Variants in UGT1A8 observed in about 807,000 individuals in gnomAD.
The protein encoded by UGT1A8 is UDP-glucuronosyltransferase 1A8.
In UGT1A8, 39 loss-of-function variants were observed where a neutral mutation model predicts 45.3. The ratio of observed to expected loss-of-function variants is 0.86; its 90% CI spans 0.67 to 1.12. The LOEUF (loss-of-function observed/expected upper bound fraction) is 1.12, where lower values mean the gene tolerates loss of function less well. Ranked by LOEUF, UGT1A8 falls within the 50% of genes most tolerant of loss-of-function variation. The pLI, the probability that UGT1A8 is intolerant of heterozygous loss-of-function variation, is 0.00. For missense variants in UGT1A8, 719 were observed against 664.9 expected, an observed-to-expected ratio of 1.08 and a Z score of -0.90; for synonymous variants, 275 against 249.2, an observed-to-expected ratio of 1.10 and a Z score of -0.97.
intron 1 of UGT1A8, among the ~76,000 whole-genome samples, chr2:233,621,276 C>G (rs570796762): frequency 1.3e-5 from 2 of 152,036 alleles, no homozygotes; most frequent in Non-Finnish European, 2.9e-5. Flanking sequence ...AGCAGAACAG[C>G]GAAATAGTTT....
At chr2:233,682,302 C>T (rs772862316) in intron 1 of UGT1A8, 2 of 1,614,078 alleles carry the variant, frequency 1.2e-6, no homozygotes, top group Non-Finnish European at 8.5e-7. Context: ...TTATTTTTTT[C>T]AAATTGCAGG....
intron 1 of UGT1A8, chr2:233,729,480 C>T (rs2077866631): frequency 1.9e-6 from 3 of 1,614,046 alleles, no homozygotes; most frequent in South Asian, 1.1e-5. Context: ...CAATGTTGAA[C>T]AATATGTCTT....
chr2:233,751,021 C>G (rs74787288), intron 1 of UGT1A8, among the ~76,000 whole-genome samples: 5,661 of 151,884 alleles, frequency 0.037, 155 homozygotes, highest in Non-Finnish European at 0.057. Flanking sequence ...AATAGTAGAT[C>G]CAATAGCTTG....
intron 1 of UGT1A8, among the ~76,000 whole-genome samples, chr2:233,724,344 C>A (rs2077229957): frequency 6.9e-6 from 1 of 144,926 alleles, no homozygotes; most frequent in Non-Finnish European, 1.5e-5. Context: ...GGGCTGACCC[C>A]CCCCACCTCC....
At chr2:233,729,547 C>T in intron 1 of UGT1A8, 2 of 1,614,168 alleles carry the variant, frequency 1.2e-6, no homozygotes, top group Non-Finnish European at 1.7e-6. Context: ...GATCAGGCAC[C>T]TGAATGCTAC....
At chr2:233,645,565 A>C (rs1487642268) in intron 1 of UGT1A8, among the ~76,000 whole-genome samples, 1 of 152,214 alleles carries the variant, frequency 6.6e-6, no homozygotes, top group African/African-American at 2.4e-5. Context: ...CACCATTCCA[A>C]CTGGGAAAAA....
intron 1 of UGT1A8, among the ~76,000 whole-genome samples, chr2:233,666,351 A>G (rs2074075509): frequency 6.6e-6 from 1 of 152,218 alleles, no homozygotes; most frequent in Non-Finnish European, 1.5e-5. Context: ...TAATTCAGCT[A>G]TATCATTTGA....
At chr2:233,620,594 G>A (rs2072984144) in intron 1 of UGT1A8, among the ~76,000 whole-genome samples, 2 of 152,180 alleles carry the variant, frequency 1.3e-5, no homozygotes, top group African/African-American at 4.8e-5. Context: ...TGAAATAAAT[G>A]TGTTTCTATA....
chr2:233,701,292 C>T (rs1285493084), intron 1 of UGT1A8, among the ~76,000 whole-genome samples: 1 of 152,100 alleles, frequency 6.6e-6, no homozygotes. Context: ...GAGGAATCGC[C>T]ACACTGTCTT....
intron 1 of UGT1A8, among the ~76,000 whole-genome samples, chr2:233,651,565 A>G (rs1215379651): frequency 2.0e-5 from 3 of 152,230 alleles, no homozygotes; most frequent in Admixed American, 6.5e-5. Context: ...CAGATATCAA[A>G]GAGTGCCCTT....
chr2:233,689,143 G>C (rs1436130390), intron 1 of UGT1A8, among the ~76,000 whole-genome samples: 3 of 152,208 alleles, frequency 2.0e-5, no homozygotes, highest in African/African-American at 7.2e-5. Context: ...AGCCCCTGAA[G>C]GAAGTTATAA....
At chr2:233,753,902 T>C (rs1695339006) in intron 1 of UGT1A8, among the ~76,000 whole-genome samples, 1 of 152,224 alleles carries the variant, frequency 6.6e-6, no homozygotes, top group African/African-American at 2.4e-5. Context: ...AACATGCTTC[T>C]TACACCGATT....
At chr2:233,718,407 A>G (rs1424568880) in intron 1 of UGT1A8, among the ~76,000 whole-genome samples, 1 of 152,254 alleles carries the variant, frequency 6.6e-6, no homozygotes, top group African/African-American at 2.4e-5. Flanking sequence ...ATAGCGTCAC[A>G]TTCAGCAGAG....
chr2:233,691,177 G>A (rs555934251), intron 1 of UGT1A8: 17 of 985,552 alleles, frequency 1.7e-5, no homozygotes, highest in Non-Finnish European at 2.0e-5. Context: ...ATGTCTGCCT[G>A]CTCAAGAAGG....
intron 1 of UGT1A8, chr2:233,761,138 A>G (rs1697686398): frequency 7.4e-6 from 12 of 1,614,200 alleles, no homozygotes; most frequent in Non-Finnish European, 1.0e-5. Context: ...CTTCACCAAA[A>G]TCCACTATCC....
chr2:233,666,142 G>A (rs2074071603), intron 1 of UGT1A8, among the ~76,000 whole-genome samples: 2 of 152,230 alleles, frequency 1.3e-5, no homozygotes, highest in South Asian at 4.1e-4. Flanking sequence ...CATGGCTAGA[G>A]AGAAGCAAGA....
intron 1 of UGT1A8, among the ~76,000 whole-genome samples, chr2:233,752,978 A>C (rs961719654): frequency 2.0e-5 from 3 of 152,180 alleles, no homozygotes; most frequent in Admixed American, 6.5e-5. Context: ...AATTGTGTAG[A>C]TACAAACCCA....
chr2:233,770,217 G>T (rs1322403541), intron 4 of UGT1A8: 1 of 152,188 alleles, frequency 6.6e-6, no homozygotes, highest in Admixed American at 6.5e-5. Flanking sequence ...AGCCATCCCT[G>T]TCTGATTGTG....
chr2:233,708,590 G>A (rs7572563), intron 1 of UGT1A8: 87,007 of 151,994 alleles, frequency 0.57, 26,864 homozygotes, highest in African/African-American at 0.82. Flanking sequence ...CTTCACTACA[G>A]AAAGTAAAAA....
Sources: allele counts gnomAD v4.1 joint callset (sites outside exome capture counted in the v4.1 genomes callset), GRCh38; gene constraint gnomAD v4.1.1; transcripts MANE v1.5; gene names NCBI Gene and HGNC (gene_info 2026-07-23, HGNC 2026-07-21).